PTPN4: variants seen among roughly 807,000 people sequenced by gnomAD.
The protein encoded by PTPN4 is protein tyrosine phosphatase non-receptor type 4, also known as tyrosine-protein phosphatase non-receptor type 4.
PTPN4 carries 49 observed loss-of-function variants against 135.5 expected under a neutral mutation model. That is an observed-to-expected ratio of 0.36 (90% CI 0.29 to 0.46). The LOEUF (loss-of-function observed/expected upper bound fraction) is 0.46, where lower values mean the gene tolerates loss of function less well. Among genes scored for constraint, PTPN4 ranks in the 20% least tolerant of loss-of-function variants. PTPN4 has a pLI of 1.00. For synonymous variants in PTPN4, 333 were observed against 369.9 expected (o/e 0.90, Z 1.14); for missense variants, 860 against 1,101.0 (o/e 0.78, Z 3.10).
At position 119,915,186 on chromosome 2, in the gene PTPN4, A is replaced by G. The variant is rs1411598768; in HGVS notation, c.772A>G (p.Ile258Val). 6.5e-7 allele frequency: 1 copy of G among 1,542,758 alleles called. No individual in the cohort carries two copies. The highest frequency in any genetic ancestry group is 8.7e-7 in the Non-Finnish European group (1 of 1,145,512). The change falls in exon 11 of 27, where the codon ATT (isoleucine) becomes GTT (valine). Residue 258 changes from isoleucine to valine, a missense_variant. Transcript: ENST00000263708. The stretch of plus-strand genomic sequence containing the variant: ...TTATTGTCTTTTGTCCAGGTTGAAG[A>G]TTGTAAAAATTTCTTTTAAGTGCAA... ...VRMNTFPWLKIVKISFKCKQF... is the reference protein window; with the variant it reads ...VRMNTFPWLKVVKISFKCKQF...
intron 10 of PTPN4, among the ~76,000 whole-genome samples, chr2:119,911,827 A>G (rs1041525597): frequency 6.6e-6 from 1 of 152,182 alleles, no homozygotes; most frequent in African/African-American, 2.4e-5. Flanking sequence ...TTATTATAAT[A>G]TATACAATGG....
At chr2:119,796,958 T>A (rs1691275030) in intron 1 of PTPN4, among the ~76,000 whole-genome samples, 2 of 152,114 alleles carry the variant, frequency 1.3e-5, no homozygotes, top group Admixed American at 1.3e-4. Flanking sequence ...GAGCCTAATG[T>A]CTCATGATGT....
intron 2 of PTPN4, among the ~76,000 whole-genome samples, chr2:119,834,923 C>G (rs906482960): frequency 1.3e-5 from 2 of 152,148 alleles, no homozygotes; most frequent in African/African-American, 4.8e-5. Context: ...TTATTAACTT[C>G]ATTAGATATA....
chr2:119,830,171 G>C (rs1677198656), intron 2 of PTPN4, among the ~76,000 whole-genome samples: 1 of 152,048 alleles, frequency 6.6e-6, no homozygotes, highest in Non-Finnish European at 1.5e-5. Context: ...TTAATTTTAG[G>C]TCCAAACTTC....
intron 1 of PTPN4, among the ~76,000 whole-genome samples, chr2:119,772,245 T>C (rs2104921430): frequency 6.6e-6 from 1 of 152,318 alleles, no homozygotes; most frequent in Admixed American, 6.5e-5. Flanking sequence ...AATGTCTTCT[T>C]TGGGAAGGGA....
At chr2:119,820,913 G>A (rs1677057363) in intron 2 of PTPN4, among the ~76,000 whole-genome samples, 1 of 150,944 alleles carries the variant, frequency 6.6e-6, no homozygotes, top group South Asian at 2.1e-4. Context: ...GGACTTGCAT[G>A]TGTATATGTA....
chr2:119,899,234 A>G (rs1374085844), intron 9 of PTPN4, among the ~76,000 whole-genome samples: 1 of 152,176 alleles, frequency 6.6e-6, no homozygotes, highest in South Asian at 2.1e-4. Context: ...CATTTCCTAT[A>G]GTTGAATCCA....
intron 3 of PTPN4, among the ~76,000 whole-genome samples, chr2:119,865,783 T>C (rs953114398): frequency 3.9e-5 from 6 of 152,106 alleles, no homozygotes; most frequent in African/African-American, 1.4e-4. Flanking sequence ...ATGTGTATTT[T>C]TATATATTAG....
intron 1 of PTPN4, among the ~76,000 whole-genome samples, chr2:119,774,797 C>T (rs780596669): frequency 2.2e-4 from 33 of 152,070 alleles, no homozygotes; most frequent in African/African-American, 4.8e-4. Flanking sequence ...GAGGCCGAGG[C>T]GGGCAGATCA....
chr2:119,813,098 G>A (rs1676926477), intron 2 of PTPN4, among the ~76,000 whole-genome samples: 2 of 152,036 alleles, frequency 1.3e-5, no homozygotes, highest in African/African-American at 2.4e-5. Flanking sequence ...ATCAGTCCTC[G>A]GCTGGAAGAC....
intron 19 of PTPN4, among the ~76,000 whole-genome samples, chr2:119,952,392 G>A (rs1024100256): frequency 3.9e-5 from 6 of 151,994 alleles, no homozygotes; most frequent in Non-Finnish European, 8.8e-5. Context: ...ACTTATTAGG[G>A]TTTTTATCCT....
At chr2:119,807,245 G>A (rs1691489695) in intron 1 of PTPN4, among the ~76,000 whole-genome samples, 1 of 152,044 alleles carries the variant, frequency 6.6e-6, no homozygotes, top group Non-Finnish European at 1.5e-5. Context: ...AACTGAAGGA[G>A]ATAGAGACGC....
intron 3 of PTPN4, among the ~76,000 whole-genome samples, chr2:119,864,125 A>G (rs1677798611): frequency 6.6e-6 from 1 of 152,134 alleles, no homozygotes; most frequent in East Asian, 1.9e-4. Flanking sequence ...AAGTGCAAAA[A>G]TTGTTCTTCA....
rs150876390 is a variant in PTPN4, at chr2:119,847,328, A to ATTTT, written c.139-15195_139-15192dup. Among the ~76,000 whole-genome samples the ATTTT allele has an allele frequency of 3.4e-4, 35 of 102,734 alleles. 1 individual carries two copies. The highest frequency in any genetic ancestry group is 1.1e-3 in the African/African-American group (26 of 22,902). 67.4% of individuals were successfully genotyped at this position (102,734 alleles called of 152,430 possible). On this transcript the variant is annotated intron_variant, in intron 2 of 26. Transcript: ENST00000263708. ...CACACACACACACATATATATATAT[A>ATTTT]TTTTTTTTTTTTTTTTGAGACAGAG...
chr2:119,929,058 T>C (rs1202183195), intron 13 of PTPN4, among the ~76,000 whole-genome samples: 3 of 152,106 alleles, frequency 2.0e-5, no homozygotes, highest in Non-Finnish European at 4.4e-5. Flanking sequence ...ATTCCGTGAA[T>C]AGTAGAGGTA....
intron 10 of PTPN4, among the ~76,000 whole-genome samples, chr2:119,901,801 A>G (rs949671962): frequency 1.3e-5 from 2 of 152,220 alleles, no homozygotes; most frequent in African/African-American, 4.8e-5. Context: ...AAAGAATTAA[A>G]CAGGAGTGCT....
At chr2:119,959,408 C>T (rs1332959348) in intron 22 of PTPN4, among the ~76,000 whole-genome samples, 2 of 152,212 alleles carry the variant, frequency 1.3e-5, no homozygotes, top group African/African-American at 4.8e-5. Context: ...GGTAATACTA[C>T]ATGTAGGTCC....
At chr2:119,856,029 C>A (rs1677673536) in intron 2 of PTPN4, among the ~76,000 whole-genome samples, 1 of 152,132 alleles carries the variant, frequency 6.6e-6, no homozygotes, top group East Asian at 1.9e-4. Flanking sequence ...TGGTCTCGAT[C>A]TCCTGACCTT....
rs575111898 is a variant in PTPN4, at chr2:119,807,659, C to T, written c.-17-2178C>T. On this transcript the variant is annotated intron_variant, in intron 1 of 26. Coordinates refer to ENST00000263708, the MANE Select transcript of PTPN4 (RefSeq NM_002830.4). The stretch of plus-strand genomic sequence containing the variant: ...TCTACAAGAGTTACAAAGCGGAGCT[C>T]GTACCATTCCTTCTGAAACTATTCC... 4.6e-5 allele frequency among the ~76,000 whole-genome samples: 7 copies of T among 152,258 alleles called. No homozygotes were observed. In the South Asian group the frequency reaches 6.2e-4, roughly 14 times the overall value.
Sources: gnomAD v4.1 joint callset for allele counts (sites outside exome capture counted in the v4.1 genomes callset) on GRCh38, gnomAD v4.1.1 for gene constraint, MANE v1.5 for transcripts, NCBI Gene and HGNC (gene_info 2026-07-23, HGNC 2026-07-21) for gene names.